The following RPL34 variants were observed in gnomAD, a reference collection of about 807,000 sequenced individuals.
RPL34 encodes large ribosomal subunit protein eL34.
Under a neutral mutation model 16.3 loss-of-function variants are expected in RPL34, and 2 were observed. The ratio of observed to expected loss-of-function variants is 0.12; its 90% CI spans 0.05 to 0.39. RPL34 has a LOEUF of 0.39. RPL34 is among the 10% of genes least tolerant of loss of function. RPL34 has a pLI of 0.99. For synonymous variants in RPL34, 47 were observed against 48.5 expected (o/e 0.97, Z 0.13); for missense variants, 82 against 148.8 (o/e 0.55, Z 2.33).
chr4:108,628,399 A>G (rs1436598936), downstream of RPL34, among the ~76,000 whole-genome samples: 2 of 152,196 alleles, frequency 1.3e-5, no homozygotes, highest in Admixed American at 6.5e-5. Flanking sequence ...GGCACTTTTA[A>G]TAATATACTC....
chr4:108,625,208 A>T lies in RPL34; in HGVS notation c.350A>T (p.Lys117Ile). The T allele has an allele frequency of 6.3e-7, 1 of 1,599,440 alleles. No homozygotes were observed. The highest frequency in any genetic ancestry group is 8.5e-7 in the Non-Finnish European group (1 of 1,171,464). ...GCACAAGCACAGAGTCAGAAAGCTAAATAAAAAAATGAAACTTTTTTGAGT... is the reference window on the plus strand; with the variant it reads ...GCACAAGCACAGAGTCAGAAAGCTATATAAAAAAATGAAACTTTTTTGAGT... ...LKAQAQSQKAK is the reference protein window; with the variant it reads ...LKAQAQSQKAI The change falls in exon 5 of 5, where the codon AAA becomes ATA. Residue 117 changes from lysine to isoleucine, a missense_variant. Transcript: ENST00000394667.
At chr4:108,622,676 C>A in intron 4 of RPL34, 58 bp downstream of exon 4, 1 of 1,082,796 alleles carries the variant, frequency 9.2e-7, no homozygotes, top group Non-Finnish European at 1.4e-6. Flanking sequence ...GTTATACTGT[C>A]TGCTGATCAG....
downstream of RPL34, among the ~76,000 whole-genome samples, chr4:108,627,811 G>T (rs940572893): frequency 6.0e-5 from 9 of 150,990 alleles, no homozygotes; most frequent in African/African-American, 2.0e-4. Flanking sequence ...GCACTGAGCC[G>T]AGATTGCACC....
chr4:108,627,433 T>C (rs116813744), downstream of RPL34, among the ~76,000 whole-genome samples: 483 of 152,032 alleles, frequency 3.2e-3, 2 homozygotes, highest in African/African-American at 0.011. Flanking sequence ...GCAAAAAAAA[T>C]GGGATTTCAT....
chr4:108,622,869 T>G (rs964983151), intron 4 of RPL34: 9 of 374,784 alleles, frequency 2.4e-5, no homozygotes, highest in Non-Finnish European at 3.4e-5. Context: ...TAAGAAAGTC[T>G]CTGTTAGTGG....
chr4:108,628,201 G>T (rs1014723192), downstream of RPL34, among the ~76,000 whole-genome samples: 1 of 152,146 alleles, frequency 6.6e-6, no homozygotes, highest in South Asian at 2.1e-4. Context: ...AAGCAACCAG[G>T]ATAATAGAAT....
downstream of RPL34, among the ~76,000 whole-genome samples, chr4:108,627,713 A>C (rs1031153613): frequency 1.6e-4 from 25 of 152,222 alleles, no homozygotes; most frequent in Non-Finnish European, 3.2e-4. Context: ...AATAACAAAA[A>C]TTAGCCAGAA....
At chr4:108,625,977 TC>T (rs879469355), downstream of RPL34, among the ~76,000 whole-genome samples, 11 of 152,228 alleles carry the variant, frequency 7.2e-5, no homozygotes, top group Admixed American at 3.3e-4. Context: ...TTAGGTCACT[TC>T]AGTTCAAAAA....
chr4:108,628,149 A>G (rs555222211), downstream of RPL34, among the ~76,000 whole-genome samples: 5 of 152,366 alleles, frequency 3.3e-5, no homozygotes, highest in East Asian at 1.9e-4. Flanking sequence ...CGATTGAGAT[A>G]CATTAGCTTT....
At chr4:108,622,848 C>A (rs996070630) in intron 4 of RPL34, 6 of 402,376 alleles carry the variant, frequency 1.5e-5, no homozygotes, top group Admixed American at 1.2e-4. Flanking sequence ...TGGTTTTGTT[C>A]AGGAGGTGGG....
At chr4:108,625,756 C>T (rs1208107687), downstream of RPL34, among the ~76,000 whole-genome samples, 6 of 152,148 alleles carry the variant, frequency 3.9e-5, no homozygotes, top group South Asian at 2.1e-4. Flanking sequence ...ACAGCTCTAC[C>T]GCTGCATTGG....
At chr4:108,628,614 A>AGGC (rs1726089086), downstream of RPL34, among the ~76,000 whole-genome samples, 1 of 152,224 alleles carries the variant, frequency 6.6e-6, no homozygotes, top group Non-Finnish European at 1.5e-5. Context: ...GACTGGACAC[A>AGGC]GGCTCTAGCT....
At chr4:108,625,377 T>TAAAACA (rs1725966594), downstream of RPL34, 1 of 515,096 alleles carries the variant, frequency 1.9e-6, no homozygotes, top group Admixed American at 3.4e-5. Context: ...GTTGTTTGTT[T>TAAAACA]GTTTTTGGTT....
At chr4:108,628,403 T>C (rs576900628), downstream of RPL34, among the ~76,000 whole-genome samples, 69 of 152,288 alleles carry the variant, frequency 4.5e-4, no homozygotes, top group Non-Finnish European at 8.2e-4. Flanking sequence ...CTTTTAATAA[T>C]ATACTCAGAC....
At chr4:108,622,722 A>G (rs1194697991) in intron 4 of RPL34, 104 bp downstream of exon 4, 2 of 661,682 alleles carry the variant, frequency 3.0e-6, no homozygotes, top group Non-Finnish European at 2.6e-6. Flanking sequence ...AACCAGTTGC[A>G]TGCTTTAGAA....
intron 1 of RPL34, 139 bp from the exon 2 acceptor site, chr4:108,621,812 A>AT: frequency 1.6e-6 from 1 of 634,612 alleles, no homozygotes. Context: ...TAGTTTTAAA[A>AT]TGTGGAATAA....
At chr4:108,625,983 CA>C, downstream of RPL34, among the ~76,000 whole-genome samples, 1 of 152,146 alleles carries the variant, frequency 6.6e-6, no homozygotes, top group South Asian at 2.1e-4. Flanking sequence ...CACTTCAGTT[CA>C]AAAATGGTAT....
chr4:108,627,102 G>A (rs1472547115), downstream of RPL34, among the ~76,000 whole-genome samples: 2 of 152,144 alleles, frequency 1.3e-5, no homozygotes, highest in African/African-American at 2.4e-5. Context: ...AGCTGGGCGT[G>A]GTGGTATGCG....
Position 108,625,176 on chromosome 4 carries a change from G to A in RPL34, c.318G>A (p.Val106=), listed in dbSNP as rs1282283275. Residue 106 remains valine (V), a synonymous_variant, in exon 5 of 5, where the codon GTG becomes GTA. Coordinates refer to ENST00000394667, the MANE Select transcript of RPL34 (RefSeq NM_001319236.2). ...AGGAGCAGAAAATCGTTGTGAAAGT[G>A]TTGAAGGCACAAGCACAGAGTCAGA... is the stretch of plus-strand genomic sequence containing the variant. ...LIEEQKIVVK[V]LKAQAQSQKA... 1.2e-6 allele frequency: 2 copies of A among 1,611,014 alleles called. No individual in the cohort carries two copies. Among genetic ancestry groups the A allele is most frequent in the African/African-American group, 1.3e-5 (1 of 74,920 alleles).
Sources: gnomAD v4.1 joint callset for allele counts (sites outside exome capture counted in the v4.1 genomes callset) on GRCh38, gnomAD v4.1.1 for gene constraint, MANE v1.5 for transcripts, NCBI Gene and HGNC (gene_info 2026-07-23, HGNC 2026-07-21) for gene names.